Variants in RNF150 observed in about 807,000 individuals in gnomAD.
The protein encoded by RNF150 is ring finger protein 150.
A neutral mutation model predicts 39.3 loss-of-function variants in RNF150; 24 were observed. The observed-to-expected ratio is 0.61, with a 90% CI of 0.44 to 0.86. The LOEUF (loss-of-function observed/expected upper bound fraction) is 0.86, where lower values mean the gene tolerates loss of function less well. Among genes scored for constraint, RNF150 ranks in the 40% least tolerant of loss-of-function variants. The probability of loss-of-function intolerance (pLI) is 0.00; values close to 1 mark genes in which losing one functional copy is unlikely to be tolerated. For synonymous variants in RNF150, 255 were observed against 227.3 expected (o/e 1.12, Z -1.10); for missense variants, 502 against 587.8 (o/e 0.85, Z 1.51).
Position 141,000,046 on chromosome 4 carries a change from A to AG in RNF150, c.485-32174dup, listed in dbSNP as rs1734585926. 4.2e-5 allele frequency among the ~76,000 whole-genome samples: 4 copies of AG among 96,160 alleles called. 1 individual carries two copies. The highest frequency in any genetic ancestry group is 2.2e-4 in the Admixed American group (2 of 9,072). 63.1% of individuals were successfully genotyped at this position (96,160 alleles called of 152,430 possible). On this transcript the variant is annotated intron_variant, in intron 1 of 6. Coordinates refer to ENST00000515673, the MANE Select transcript of RNF150 (RefSeq NM_020724.2). ...AAGAAGAAGAAGAAGAAGAAGAAGA[A>AG]GAAGAAGAAGAAGAAGAAGAAGAAG...
At chr4:141,036,587 G>A (rs1736157035) in intron 1 of RNF150, among the ~76,000 whole-genome samples, 1 of 152,132 alleles carries the variant, frequency 6.6e-6, no homozygotes. Flanking sequence ...GAAATTTTTT[G>A]AGAAGGCTTT....
At chr4:140,948,430 G>A (rs1223305335) in intron 3 of RNF150, among the ~76,000 whole-genome samples, 1 of 152,004 alleles carries the variant, frequency 6.6e-6, no homozygotes, top group Non-Finnish European at 1.5e-5. Context: ...CCCATGTATT[G>A]TAATCCAATG....
upstream of RNF150, among the ~76,000 whole-genome samples, chr4:141,135,250 C>G (rs2111117945): frequency 6.6e-6 from 1 of 152,260 alleles, no homozygotes; most frequent in East Asian, 1.9e-4. Context: ...TGTGTGTGCA[C>G]ACATATATAC....
At chr4:141,041,121 T>C (rs552879438) in intron 1 of RNF150, among the ~76,000 whole-genome samples, 5 of 152,258 alleles carry the variant, frequency 3.3e-5, no homozygotes, top group African/African-American at 1.2e-4. Flanking sequence ...TAGGTAGTAC[T>C]AAGCCTACAG....
chr4:140,947,489 G>C (rs973242109), intron 4 of RNF150, among the ~76,000 whole-genome samples, 165 bp downstream of exon 4: 2 of 152,106 alleles, frequency 1.3e-5, no homozygotes, highest in African/African-American at 4.8e-5. Context: ...CAAGGACAAA[G>C]GTTATACAAA....
At chr4:141,093,418 C>A (rs4956508) in intron 1 of RNF150, among the ~76,000 whole-genome samples, 148,266 of 150,932 alleles carry the variant, frequency 0.98, 72,881 homozygotes, top group Middle Eastern at 1. Context: ...GAAGCCCCAG[C>A]AGGGCTGCTC....
chr4:141,177,089 G>A (rs562986388), intron 1 of RNF150, among the ~76,000 whole-genome samples: 5 of 150,928 alleles, frequency 3.3e-5, no homozygotes, highest in South Asian at 4.2e-4. Flanking sequence ...GAAAAAAGAC[G>A]GGTGTCGTGG....
intron 1 of RNF150, among the ~76,000 whole-genome samples, 165 bp from the exon 2 acceptor site, chr4:140,968,038 TTC>T (rs1234078350): frequency 6.6e-6 from 1 of 152,118 alleles, no homozygotes; most frequent in Non-Finnish European, 1.5e-5. Flanking sequence ...AAGTCAAATT[TTC>T]TCTTTCTTCA....
intron 1 of RNF150, among the ~76,000 whole-genome samples, chr4:141,080,979 T>C (rs942474580): frequency 1.3e-5 from 2 of 152,164 alleles, no homozygotes; most frequent in South Asian, 4.1e-4. Flanking sequence ...AGTGACCTGT[T>C]TACCGGATCA....
At chr4:140,907,938 C>T (rs932527785) in intron 6 of RNF150, among the ~76,000 whole-genome samples, 4 of 152,154 alleles carry the variant, frequency 2.6e-5, no homozygotes, top group South Asian at 2.1e-4. Context: ...ATAGGTACAA[C>T]GTATTTCTTA....
chr4:140,878,250 AAC>A (rs1729244261), intron 6 of RNF150, among the ~76,000 whole-genome samples: 4 of 99,928 alleles, frequency 4.0e-5, no homozygotes, highest in African/African-American at 1.5e-4. Flanking sequence ...TACCTCACTC[AAC>A]CTTTGCCTCC....
chr4:141,128,716 TA>T lies in RNF150; in HGVS notation c.484+3608del, dbSNP rs531353145. Among the ~76,000 whole-genome samples the T allele has an allele frequency of 1.2e-4, 18 of 151,242 alleles. No homozygotes were observed. The South Asian group carries it at 3.3e-3, about 28-fold the overall frequency. On this transcript the variant is annotated intron_variant, in intron 1 of 6. Transcript: ENST00000515673. The stretch of plus-strand genomic sequence containing the variant: ...CATATAAATCTCTGGTCCATAGACT[TA>T]AAAAAAAAGTGAGAGAAGCAGATTC...
chr4:141,155,223 C>A (rs1273584890), intron 1 of RNF150, among the ~76,000 whole-genome samples: 3 of 151,340 alleles, frequency 2.0e-5, no homozygotes, highest in African/African-American at 7.3e-5. Context: ...GTAACTGGAA[C>A]TACAGGCATG....
intron 6 of RNF150, among the ~76,000 whole-genome samples, chr4:140,896,694 A>T (rs1479781694): frequency 1.0e-5 from 1 of 97,700 alleles, no homozygotes; most frequent in African/African-American, 3.8e-5. Context: ...TAATAAAAAA[A>T]AAAAAACAAA....
intron 1 of RNF150, among the ~76,000 whole-genome samples, chr4:141,212,164 T>C (rs986035607): frequency 6.6e-6 from 1 of 152,014 alleles, no homozygotes; most frequent in Admixed American, 6.6e-5. Context: ...GCAGGCAGGA[T>C]TAAAAGGTAA....
chr4:140,967,941 T>C, intron 1 of RNF150, 68 bp from the exon 2 acceptor site: 2 of 1,414,818 alleles, frequency 1.4e-6, no homozygotes, highest in South Asian at 1.2e-5. Flanking sequence ...CCCAGTGAGA[T>C]GTGTGGACAC....
intron 1 of RNF150, among the ~76,000 whole-genome samples, chr4:141,101,457 G>A (rs568797060): frequency 6.6e-6 from 1 of 152,214 alleles, no homozygotes. Flanking sequence ...AACATGCATG[G>A]AGCTGTCATT....
At chr4:141,143,522 G>A (rs375653600) in intron 1 of RNF150, among the ~76,000 whole-genome samples, 35 of 152,176 alleles carry the variant, frequency 2.3e-4, no homozygotes, top group Admixed American at 2.1e-3. Flanking sequence ...CACCAGGCTC[G>A]CTTGTCACAG....
intron 1 of RNF150, among the ~76,000 whole-genome samples, chr4:141,058,612 T>C (rs1737088488): frequency 6.6e-6 from 1 of 152,150 alleles, no homozygotes; most frequent in South Asian, 2.1e-4. Context: ...TTACTAGCAA[T>C]ATCACATTAG....
Sources: gnomAD v4.1 joint callset for allele counts (sites outside exome capture counted in the v4.1 genomes callset) on GRCh38, gnomAD v4.1.1 for gene constraint, MANE v1.5 for transcripts, NCBI Gene and HGNC (gene_info 2026-07-23, HGNC 2026-07-21) for gene names.